PCGF6: variants seen among roughly 807,000 people sequenced by gnomAD.
PCGF6 encodes polycomb group RING finger protein 6.
In PCGF6, 24 loss-of-function variants were observed where a neutral mutation model predicts 45.5. That is an observed-to-expected ratio of 0.53 (90% CI 0.38 to 0.74). PCGF6 has a LOEUF of 0.74. Among genes scored for constraint, PCGF6 ranks in the 30% least tolerant of loss-of-function variants. The probability of loss-of-function intolerance (pLI) is 0.00; values close to 1 mark genes in which losing one functional copy is unlikely to be tolerated. For missense variants in PCGF6, 356 were observed against 443.2 expected, an observed-to-expected ratio of 0.80 and a Z score of 1.77; for synonymous variants, 152 against 162.1, an observed-to-expected ratio of 0.94 and a Z score of 0.47.
intron 6 of PCGF6, among the ~76,000 whole-genome samples, chr10:103,341,898 AAT>A (rs1273431166): frequency 6.6e-6 from 1 of 152,040 alleles, no homozygotes; most frequent in Non-Finnish European, 1.5e-5. Context: ...TCCCAGACTC[AAT>A]AGACTCCAGT....
chr10:103,315,718 G>A (rs538254676), intron 8 of PCGF6, among the ~76,000 whole-genome samples: 2 of 152,116 alleles, frequency 1.3e-5, no homozygotes, highest in East Asian at 3.9e-4. Flanking sequence ...TATTGCCCAG[G>A]CTGGTCTCAA....
At chr10:103,328,758 T>G (rs1242269204) in intron 7 of PCGF6, among the ~76,000 whole-genome samples, 2 of 152,212 alleles carry the variant, frequency 1.3e-5, no homozygotes, top group African/African-American at 4.8e-5. Flanking sequence ...TTTTTGTTTG[T>G]TTTTTGTTTT....
At chr10:103,349,822 C>A (rs2093314451) in intron 1 of PCGF6, among the ~76,000 whole-genome samples, 1 of 150,986 alleles carries the variant, frequency 6.6e-6, no homozygotes, top group African/African-American at 2.4e-5. Context: ...GTGGCTCACG[C>A]CTGTAATCCC....
At chr10:103,327,024 C>T (rs190936826) in intron 7 of PCGF6, among the ~76,000 whole-genome samples, 9 of 152,266 alleles carry the variant, frequency 5.9e-5, no homozygotes, top group African/African-American at 1.9e-4. Flanking sequence ...TGGTGGCTCA[C>T]GCCTGCAATC....
intron 8 of PCGF6, among the ~76,000 whole-genome samples, chr10:103,319,734 AT>A (rs2093189731): frequency 6.6e-6 from 1 of 152,200 alleles, no homozygotes; most frequent in South Asian, 2.1e-4. Flanking sequence ...AACATCATAT[AT>A]TAGTCCTTAA....
intron 8 of PCGF6, among the ~76,000 whole-genome samples, chr10:103,316,376 A>G (rs1399059812): frequency 6.6e-6 from 1 of 152,226 alleles, no homozygotes; most frequent in Non-Finnish European, 1.5e-5. Context: ...AAGAACAGTA[A>G]TAGCAGCTGC....
intron 9 of PCGF6, among the ~76,000 whole-genome samples, chr10:103,311,595 A>G (rs901303935): frequency 1.3e-5 from 2 of 150,830 alleles, no homozygotes; most frequent in Admixed American, 6.6e-5. Context: ...GGCATGAGCC[A>G]CCACCGCACC....
intron 6 of PCGF6, among the ~76,000 whole-genome samples, chr10:103,337,497 C>T (rs1051973869): frequency 1.3e-5 from 2 of 152,160 alleles, no homozygotes; most frequent in African/African-American, 4.8e-5. Context: ...GAAGTTACAT[C>T]CCAAGGGTTA....
At chr10:103,329,745 T>G (rs1187313182) in intron 7 of PCGF6, among the ~76,000 whole-genome samples, 4 of 152,076 alleles carry the variant, frequency 2.6e-5, no homozygotes, top group African/African-American at 9.7e-5. Flanking sequence ...AGTGCTGGGA[T>G]TATAGGTGTG....
At chr10:103,346,094 G>A (rs568112804) in intron 5 of PCGF6, among the ~76,000 whole-genome samples, 1 of 150,856 alleles carries the variant, frequency 6.6e-6, no homozygotes, top group South Asian at 2.1e-4. Flanking sequence ...TACTCAGGAG[G>A]CCAAGGCAGG....
intron 9 of PCGF6, among the ~76,000 whole-genome samples, chr10:103,308,698 C>T (rs1342687927): frequency 1.3e-5 from 2 of 151,846 alleles, no homozygotes; most frequent in East Asian, 1.9e-4. Flanking sequence ...ATGGTAAAAC[C>T]CCATCTCTAC....
intron 6 of PCGF6, among the ~76,000 whole-genome samples, chr10:103,341,554 C>T (rs1332022500): frequency 6.6e-6 from 1 of 151,776 alleles, no homozygotes; most frequent in African/African-American, 2.4e-5. Flanking sequence ...ATTCTCCTCC[C>T]TCAGCCTCCT....
At chr10:103,347,496 G>A in intron 3 of PCGF6, 46 bp from the exon 4 acceptor site, 1 of 1,483,194 alleles carries the variant, frequency 6.7e-7, no homozygotes, top group Non-Finnish European at 9.3e-7. Flanking sequence ...TCAGAAAAAT[G>A]CATTTTGGTA....
intron 8 of PCGF6, among the ~76,000 whole-genome samples, chr10:103,316,191 T>C (rs2093175786): frequency 6.6e-6 from 1 of 152,126 alleles, no homozygotes; most frequent in South Asian, 2.1e-4. Context: ...CAAAGTCCTA[T>C]TGCTTCTTTC....
At chr10:103,320,625 T>G (rs184814733) in intron 8 of PCGF6, among the ~76,000 whole-genome samples, 3 of 152,124 alleles carry the variant, frequency 2.0e-5, no homozygotes, top group African/African-American at 7.2e-5. Context: ...AGGCGGAGGT[T>G]GCGGTGAGCC....
intron 8 of PCGF6, among the ~76,000 whole-genome samples, chr10:103,325,852 T>TAAA: frequency 7.4e-6 from 1 of 135,224 alleles, no homozygotes; most frequent in Non-Finnish European, 1.6e-5. Context: ...CCGCATCTCT[T>TAAA]AAAAAAAAAA....
At chr10:103,315,636 G>C (rs1297614471) in intron 8 of PCGF6, among the ~76,000 whole-genome samples, 1 of 152,090 alleles carries the variant, frequency 6.6e-6, no homozygotes, top group Non-Finnish European at 1.5e-5. Context: ...TGGGATTACA[G>C]GCGTGAGCCA....
chr10:103,347,507 CAG>C, intron 3 of PCGF6, 57 bp from the exon 4 acceptor site: 4 of 1,398,302 alleles, frequency 2.9e-6, no homozygotes, highest in Non-Finnish European at 4.0e-6. Context: ...CATTTTGGTA[CAG>C]AGTGAGTTAA....
intron 8 of PCGF6, among the ~76,000 whole-genome samples, chr10:103,316,220 A>G (rs1038554495): frequency 6.6e-6 from 1 of 152,024 alleles, no homozygotes; most frequent in Non-Finnish European, 1.5e-5. Flanking sequence ...TCTTGAATTC[A>G]TATCATACCT....
Sources: gnomAD v4.1 joint callset for allele counts (sites outside exome capture counted in the v4.1 genomes callset) on GRCh38, gnomAD v4.1.1 for gene constraint, MANE v1.5 for transcripts, NCBI Gene and HGNC (gene_info 2026-07-23, HGNC 2026-07-21) for gene names.